Variants in ANKFN1 observed in about 807,000 individuals in gnomAD.
The protein encoded by ANKFN1 is ankyrin repeat and fibronectin type III domain containing 1, also known as ankyrin repeat and fibronectin type-III domain-containing protein 1.
A neutral mutation model predicts 108.7 loss-of-function variants in ANKFN1; 74 were observed. That is an observed-to-expected ratio of 0.68 (90% CI 0.56 to 0.83). The LOEUF is 0.83. ANKFN1 is among the 40% of genes least tolerant of loss of function. ANKFN1 has a pLI of 0.00. For synonymous variants in ANKFN1, 547 were observed against 516.2 expected, an observed-to-expected ratio of 1.06 and a Z score of -0.81; for missense variants, 1,505 against 1,382.3, an observed-to-expected ratio of 1.09 and a Z score of -1.41.
chr17:56,151,874 A>G (rs1908643038), upstream of ANKFN1, among the ~76,000 whole-genome samples: 1 of 152,190 alleles, frequency 6.6e-6, no homozygotes, highest in Admixed American at 6.5e-5. Context: ...TCTTCCCTTG[A>G]GCTTAATGCA....
rs570098855 is a variant in ANKFN1, at chr17:56,516,533, A to G, written c.*5264A>G. ...ACCTCTGTAAACATGCAGATGAATC[A>G]TGTATGGTGTGTTAAATGTGACTTC... On this transcript the variant is annotated 3_prime_UTR_variant, in exon 21 of 21. Coordinates refer to ENST00000682825, the MANE Select transcript of ANKFN1 (RefSeq NM_001370326.1). 6.6e-6 allele frequency among the ~76,000 whole-genome samples: 1 copy of G among 152,316 alleles called. No individual in the cohort carries two copies. The highest frequency in any genetic ancestry group is 2.1e-4 in the South Asian group (1 of 4,826).
intron 18 of ANKFN1, among the ~76,000 whole-genome samples, chr17:56,491,557 A>T (rs1313462870): frequency 2.6e-5 from 4 of 152,202 alleles, no homozygotes; most frequent in Non-Finnish European, 5.9e-5. Flanking sequence ...TTGAGAGAAG[A>T]AAACCAAGTC....
chr17:56,109,907 G>A (rs1598097903), intron 4 of ANKFN1, among the ~76,000 whole-genome samples: 2 of 152,210 alleles, frequency 1.3e-5, no homozygotes, highest in African/African-American at 2.4e-5. Context: ...TGCAGGGCTG[G>A]CCAGGCTGGG....
chr17:56,439,832 C>G (rs2049041492), intron 8 of ANKFN1, among the ~76,000 whole-genome samples: 3 of 152,080 alleles, frequency 2.0e-5, no homozygotes, highest in Admixed American at 6.6e-5. Flanking sequence ...AAGGTAATGT[C>G]CTAGTGGATC....
intron 3 of ANKFN1, among the ~76,000 whole-genome samples, chr17:56,238,055 TG>T (rs1381228533): frequency 6.6e-6 from 1 of 152,092 alleles, no homozygotes; most frequent in Non-Finnish European, 1.5e-5. Flanking sequence ...TACAGGAGCA[TG>T]TTGTTTAATT....
chr17:56,449,055 ATGTT>A lies in ANKFN1; in HGVS notation c.1100-22_1100-19del. Reference sequence around the variant, plus strand: ...GCCTCCCCTGTTTTAAAATTTCACTATGTTTATTTCTTTTGTTCAATAGACTGGA... The same window carrying A: ...GCCTCCCCTGTTTTAAAATTTCACTATATTTCTTTTGTTCAATAGACTGGA... On this transcript the variant is annotated intron_variant, in intron 10 of 20. Transcript: ENST00000682825. The A allele has an allele frequency of 6.2e-7, 1 of 1,600,150 alleles. No individual in the cohort carries two copies. Among genetic ancestry groups the A allele is most frequent in the Non-Finnish European group, 8.6e-7 (1 of 1,168,682 alleles).
chr17:56,083,422 C>T (rs1905271760), intron 4 of ANKFN1, among the ~76,000 whole-genome samples: 1 of 151,402 alleles, frequency 6.6e-6, no homozygotes, highest in East Asian at 1.9e-4. Context: ...TCCACACTCC[C>T]TCCTACTATT....
At chr17:56,499,174 T>G in intron 20 of ANKFN1, 76 bp downstream of exon 20, 1 of 1,361,646 alleles carries the variant, frequency 7.3e-7, no homozygotes, top group Non-Finnish European at 1.0e-6. Context: ...AGGACTTTTA[T>G]GCTGAGGTAT....
chr17:56,447,917 A>G (rs2049351294), intron 10 of ANKFN1, among the ~76,000 whole-genome samples: 1 of 152,248 alleles, frequency 6.6e-6, no homozygotes, highest in African/African-American at 2.4e-5. Context: ...ACCTGACTTC[A>G]GAACCTATGG....
chr17:56,331,098 C>T (rs1023029513), intron 4 of ANKFN1, among the ~76,000 whole-genome samples: 9 of 152,088 alleles, frequency 5.9e-5, no homozygotes, highest in Non-Finnish European at 1.5e-5. Flanking sequence ...AGGTTGAAGC[C>T]TTAAGGTCCC....
At chr17:56,267,320 T>C (rs2043678843) in intron 3 of ANKFN1, among the ~76,000 whole-genome samples, 1 of 152,212 alleles carries the variant, frequency 6.6e-6, no homozygotes, top group South Asian at 2.1e-4. Flanking sequence ...TTATAGATTA[T>C]GGATATCAGA....
chr17:56,176,464 A>G (rs1036795557), intron 1 of ANKFN1, among the ~76,000 whole-genome samples: 11 of 152,176 alleles, frequency 7.2e-5, no homozygotes, highest in African/African-American at 2.7e-4. Context: ...ACGGGATCGG[A>G]GTGTTTGTTA....
At chr17:56,139,788 A>G (rs569921208) in intron 4 of ANKFN1, among the ~76,000 whole-genome samples, 1 of 152,198 alleles carries the variant, frequency 6.6e-6, no homozygotes, top group Admixed American at 6.5e-5. Flanking sequence ...ATTACACATT[A>G]CTGACCACAT....
At chr17:56,364,977 T>C (rs1349082779) in intron 6 of ANKFN1, among the ~76,000 whole-genome samples, 1 of 152,214 alleles carries the variant, frequency 6.6e-6, no homozygotes, top group Non-Finnish European at 1.5e-5. Context: ...AATCTTAAGA[T>C]GGATAAATTG....
intron 3 of ANKFN1, among the ~76,000 whole-genome samples, chr17:56,229,879 A>G (rs1020600265): frequency 2.6e-5 from 4 of 152,016 alleles, no homozygotes; most frequent in African/African-American, 4.8e-5. Context: ...CAGCTCCCCA[A>G]GCAATCTCTG....
At chr17:56,486,217 T>C (rs1308365085) in intron 18 of ANKFN1, among the ~76,000 whole-genome samples, 1 of 152,222 alleles carries the variant, frequency 6.6e-6, no homozygotes, top group Non-Finnish European at 1.5e-5. Context: ...TGGTCCTCCC[T>C]TGTTGCCATA....
At chr17:56,064,364 G>A (rs566981441) in intron 4 of ANKFN1, among the ~76,000 whole-genome samples, 3 of 152,312 alleles carry the variant, frequency 2.0e-5, no homozygotes, top group East Asian at 1.9e-4. Flanking sequence ...CGGAGACTGC[G>A]GCCACCACTC....
intron 4 of ANKFN1, among the ~76,000 whole-genome samples, chr17:56,147,302 TG>T (rs1296109054): frequency 1.3e-5 from 2 of 152,198 alleles, no homozygotes; most frequent in Non-Finnish European, 2.9e-5. Flanking sequence ...TCCACATTTT[TG>T]GGTATCCTTA....
rs2051897324 is a variant in ANKFN1 at position 56,515,692 on chromosome 17, A to C, written c.*4423A>C. Among the ~76,000 whole-genome samples, 1 of 152,216 alleles carries C rather than the reference A, an allele frequency of 6.6e-6. No individual in the cohort carries two copies. Among genetic ancestry groups the C allele is most frequent in the Non-Finnish European group, 1.5e-5 (1 of 68,034 alleles). ...GGTGTTGAACTTTGCCATTAGCAAAAAGTATTTTTAGAAAAATCCATTGAC... is the reference window on the plus strand; with the variant it reads ...GGTGTTGAACTTTGCCATTAGCAAACAGTATTTTTAGAAAAATCCATTGAC... On this transcript the variant is annotated 3_prime_UTR_variant, in exon 21 of 21. Coordinates refer to ENST00000682825, the MANE Select transcript of ANKFN1 (RefSeq NM_001370326.1).
Sources: allele counts gnomAD v4.1 joint callset (sites outside exome capture counted in the v4.1 genomes callset), GRCh38; gene constraint gnomAD v4.1.1; transcripts MANE v1.5; gene names NCBI Gene and HGNC (gene_info 2026-07-23, HGNC 2026-07-21).